PARM1: variants seen among roughly 807,000 people sequenced by gnomAD.
PARM1 encodes the protein WSC4, cell wall integrity and stress response component 4 homolog.
In PARM1, 14 loss-of-function variants were observed where a neutral mutation model predicts 24.6. That is an observed-to-expected ratio of 0.57 (90% confidence interval 0.38 to 0.89). PARM1 has a LOEUF of 0.89. Among genes scored for constraint, PARM1 ranks in the 40% least tolerant of loss-of-function variants. The pLI, the probability that PARM1 is intolerant of heterozygous loss-of-function variation, is 0.00. For synonymous variants in PARM1, 179 were observed against 156.6 expected, an observed-to-expected ratio of 1.14 and a Z score of -1.07; for missense variants, 362 against 380.4, an observed-to-expected ratio of 0.95 and a Z score of 0.40.
intron 1 of PARM1, among the ~76,000 whole-genome samples, chr4:75,001,882 C>A (rs1160588961): frequency 6.6e-6 from 1 of 152,202 alleles, no homozygotes; most frequent in Non-Finnish European, 1.5e-5. Context: ...CTGTCCCCTT[C>A]CCCGTTCCCT....
intron 1 of PARM1, among the ~76,000 whole-genome samples, chr4:74,998,335 G>A (rs1722613820): frequency 6.6e-6 from 1 of 151,992 alleles, no homozygotes; most frequent in Admixed American, 6.6e-5. Context: ...CCTCTTTCTG[G>A]AATAGTGAAT....
At chr4:74,971,238 A>T (rs77617734) in intron 1 of PARM1, among the ~76,000 whole-genome samples, 1 of 152,198 alleles carries the variant, frequency 6.6e-6, no homozygotes, top group Non-Finnish European at 1.5e-5. Flanking sequence ...GTCCTACATG[A>T]TGGTAAGCAA....
intron 1 of PARM1, among the ~76,000 whole-genome samples, chr4:74,987,113 C>T (rs1403138877): frequency 6.6e-6 from 1 of 152,150 alleles, no homozygotes; most frequent in African/African-American, 2.4e-5. Flanking sequence ...CCTTTTCCAT[C>T]ATCAAATTGG....
chr4:75,030,733 C>T (rs1723258494), intron 2 of PARM1, among the ~76,000 whole-genome samples: 1 of 152,144 alleles, frequency 6.6e-6, no homozygotes, highest in Non-Finnish European at 1.5e-5. Flanking sequence ...ACTCACAAAT[C>T]CCAATGAGGA....
intron 1 of PARM1, among the ~76,000 whole-genome samples, chr4:75,006,837 C>A (rs1194623511): frequency 3.3e-5 from 5 of 152,142 alleles, no homozygotes; most frequent in African/African-American, 1.2e-4. Flanking sequence ...GACTAAAACA[C>A]CAAAAGCAAT....
intron 1 of PARM1, among the ~76,000 whole-genome samples, chr4:74,936,449 G>T (rs56114252): frequency 0.9 from 129,039 of 143,622 alleles, 57,645 homozygotes; most frequent in East Asian, 1. Flanking sequence ...TTTTTTTTTT[G>T]TTTGTTTTTT....
chr4:74,940,004 TGAAAG>T (rs1257514478), intron 1 of PARM1, among the ~76,000 whole-genome samples: 4 of 152,170 alleles, frequency 2.6e-5, no homozygotes, highest in African/African-American at 9.6e-5. Context: ...GTGTTAAACA[TGAAAG>T]GAATTAGATG....
chr4:75,034,015 G>A, intron 3 of PARM1, 54 bp downstream of exon 3: 1 of 1,384,668 alleles, frequency 7.2e-7, no homozygotes, highest in Non-Finnish European at 1.0e-6. Flanking sequence ...TGGGCTCTGG[G>A]CTGAGCGCTG....
chr4:74,933,282 A>C lies in PARM1; in HGVS notation c.-46A>C, dbSNP rs745642911. The C allele has an allele frequency of 4.0e-5, 63 of 1,586,396 alleles. No individual in the cohort carries two copies. The East Asian group carries it at 6.8e-4, about 17-fold the overall frequency. On this transcript the variant is annotated 5_prime_UTR_variant, in exon 1 of 4. Coordinates refer to ENST00000307428, the MANE Select transcript of PARM1 (RefSeq NM_015393.4). ...CCCAGTGCGCTCTGTCAGTCCGCAA[A>C]CTCCTTGCCGCCCGCCCCGGGCTGG...
chr4:74,933,488 T>C, intron 1 of PARM1, 118 bp downstream of exon 1: 3 of 818,968 alleles, frequency 3.7e-6, no homozygotes, highest in Non-Finnish European at 6.2e-6. Flanking sequence ...TCCGGGTGAG[T>C]GCGCAGGTGT....
At chr4:75,045,358 A>G (rs868626850) in intron 3 of PARM1, among the ~76,000 whole-genome samples, 2 of 152,226 alleles carry the variant, frequency 1.3e-5, no homozygotes, top group South Asian at 4.1e-4. Context: ...TTACTCTGAG[A>G]TGAGGATCCA....
chr4:74,968,083 T>A (rs1391354458), intron 1 of PARM1, among the ~76,000 whole-genome samples: 1 of 152,230 alleles, frequency 6.6e-6, no homozygotes, highest in Non-Finnish European at 1.5e-5. Flanking sequence ...AAAATAAAAT[T>A]AATATATGTT....
At chr4:75,033,318 C>G (rs17000109) in intron 2 of PARM1, among the ~76,000 whole-genome samples, 26,045 of 152,082 alleles carry the variant, frequency 0.17, 4,153 homozygotes, top group African/African-American at 0.43. Flanking sequence ...AAAATGCTTT[C>G]ACTTGATTGC....
rs532499337 is a variant in PARM1, at chr4:74,985,569, C to T, written c.44-26856C>T. On this transcript the variant is annotated intron_variant, in intron 1 of 3. Transcript: ENST00000307428. ...GCAACTTGCTTAAGGTCATAAGCAA[C>T]TTGCCCAAGGTCAAAAGTAACTTGC... Among the ~76,000 whole-genome samples the T allele has an allele frequency of 4.6e-5, 7 of 152,294 alleles. No homozygotes were observed. The East Asian group carries it at 1.2e-3, about 25-fold the overall frequency.
rs1273313955 is a variant in PARM1, at chr4:75,048,068, A to AT, written c.*1822dup. 1 of 152,214 alleles carries AT rather than the reference A, an allele frequency of 6.6e-6. No homozygotes were observed. The highest frequency in any genetic ancestry group is 6.5e-5 in the Admixed American group (1 of 15,276). 9.4% of individuals were successfully genotyped at this position (152,214 alleles called of 1,614,324 possible). ...GTTTCTAAAGTTGGACCTTGCTGCC[A>AT]TGACTGTTTAGTTTACAGAAACTTG... On this transcript the variant is annotated 3_prime_UTR_variant, in exon 4 of 4. Transcript: ENST00000307428.
chr4:75,037,720 A>C (rs142138699), intron 3 of PARM1, among the ~76,000 whole-genome samples: 8 of 152,304 alleles, frequency 5.3e-5, no homozygotes, highest in African/African-American at 1.9e-4. Flanking sequence ...TTTGCAGTCA[A>C]GTTTAATGCT....
intron 1 of PARM1, among the ~76,000 whole-genome samples, chr4:75,011,237 G>C (rs868071194): frequency 6.6e-6 from 1 of 152,182 alleles, no homozygotes; most frequent in Admixed American, 6.5e-5. Flanking sequence ...AGCAGTCATC[G>C]AGGCTAGTGA....
At chr4:75,007,763 T>G (rs1241473943) in intron 1 of PARM1, among the ~76,000 whole-genome samples, 1 of 152,094 alleles carries the variant, frequency 6.6e-6, no homozygotes, top group African/African-American at 2.4e-5. Flanking sequence ...TTAGATGAGA[T>G]CATGTGGGTG....
intron 1 of PARM1, among the ~76,000 whole-genome samples, chr4:74,963,679 T>A (rs1271167650): frequency 6.6e-6 from 1 of 152,174 alleles, no homozygotes; most frequent in Non-Finnish European, 1.5e-5. Flanking sequence ...GATTGCTTAA[T>A]GGTACAGAGT....
Sources: allele counts gnomAD v4.1 joint callset (sites outside exome capture counted in the v4.1 genomes callset), GRCh38; gene constraint gnomAD v4.1.1; transcripts MANE v1.5; gene names NCBI Gene and HGNC (gene_info 2026-07-23, HGNC 2026-07-21).